DCDC1: variants seen among roughly 807,000 people sequenced by gnomAD.
The protein encoded by DCDC1 is doublecortin domain containing 1.
Under a neutral mutation model 178.3 loss-of-function variants are expected in DCDC1, and 200 were observed. The ratio of observed to expected loss-of-function variants is 1.12; its 90% CI spans 1.00 to 1.26. DCDC1 has a LOEUF of 1.26. Ranked by LOEUF, DCDC1 falls within the 50% of genes most tolerant of loss-of-function variation. The pLI is 0.00. For missense variants in DCDC1, 1,983 were observed against 1,749.2 expected (o/e 1.13, Z -2.38); for synonymous variants, 690 against 604.8 (o/e 1.14, Z -2.07).
intron 36 of DCDC1, among the ~76,000 whole-genome samples, chr11:30,883,778 A>C (rs1229267997): frequency 6.6e-6 from 1 of 152,100 alleles, no homozygotes; most frequent in Non-Finnish European, 1.5e-5. Context: ...AGTATACAAA[A>C]CCTCAGAAGA....
chr11:31,157,372 A>AAAAAAT (rs71060478), intron 9 of DCDC1, among the ~76,000 whole-genome samples: 4 of 96,866 alleles, frequency 4.1e-5, no homozygotes, highest in Non-Finnish European at 8.4e-5. Flanking sequence ...AAAAAAAAAA[A>AAAAAAT]ATATATATAT....
At chr11:31,010,168 C>T (rs1364840462) in intron 20 of DCDC1, among the ~76,000 whole-genome samples, 1 of 152,216 alleles carries the variant, frequency 6.6e-6, no homozygotes, top group African/African-American at 2.4e-5. Flanking sequence ...TATCTTGTGA[C>T]CCAGTCAAGG....
intron 9 of DCDC1, among the ~76,000 whole-genome samples, chr11:31,212,151 G>C (rs895831430): frequency 1.3e-5 from 2 of 148,646 alleles, no homozygotes; most frequent in African/African-American, 4.9e-5. Context: ...GTAAATAAAC[G>C]AATTAAATTT....
At chr11:31,114,304 A>C (rs760716446) in intron 11 of DCDC1, among the ~76,000 whole-genome samples, 6 of 152,206 alleles carry the variant, frequency 3.9e-5, no homozygotes, top group Non-Finnish European at 7.3e-5. Context: ...AATTATAGTT[A>C]AAATACATTA....
At chr11:31,279,077 T>C (rs1946213930) in intron 7 of DCDC1, among the ~76,000 whole-genome samples, 1 of 152,152 alleles carries the variant, frequency 6.6e-6, no homozygotes, top group African/African-American at 2.4e-5. Flanking sequence ...ATTTTGAAGT[T>C]TCCAGTCCAT....
At chr11:31,065,837 T>G (rs1956220542) in intron 18 of DCDC1, among the ~76,000 whole-genome samples, 1 of 152,190 alleles carries the variant, frequency 6.6e-6, no homozygotes. Context: ...AATCTGTCAC[T>G]GCTCATCAGG....
intron 38 of DCDC1, among the ~76,000 whole-genome samples, chr11:30,873,999 C>G (rs1941888176): frequency 6.6e-6 from 1 of 152,174 alleles, no homozygotes; most frequent in African/African-American, 2.4e-5. Context: ...ATATCTGACT[C>G]AAGAACATTT....
chr11:31,219,088 G>A (rs972766665), intron 9 of DCDC1, among the ~76,000 whole-genome samples: 4 of 151,562 alleles, frequency 2.6e-5, no homozygotes, highest in Admixed American at 6.6e-5. Context: ...TGGTGCTAAA[G>A]AAGCACACAC....
intron 3 of DCDC1, 80 bp from the exon 4 acceptor site, chr11:31,307,988 G>C: frequency 6.4e-7 from 1 of 1,554,326 alleles, no homozygotes. Context: ...ATAACGAGTT[G>C]TGTGCTATGT....
At chr11:31,343,138 G>C (rs944511972) in intron 1 of DCDC1, among the ~76,000 whole-genome samples, 1 of 152,084 alleles carries the variant, frequency 6.6e-6, no homozygotes, top group African/African-American at 2.4e-5. Context: ...CAGGCCGAGT[G>C]GTGCATGCCT....
intron 20 of DCDC1, among the ~76,000 whole-genome samples, chr11:31,052,163 T>C (rs1353686173): frequency 7.2e-5 from 11 of 152,176 alleles, no homozygotes; most frequent in African/African-American, 2.7e-4. Flanking sequence ...AAAAAGGCAT[T>C]TCATACAAAT....
rs1950238918 is a variant in DCDC1, at chr11:30,978,809, C to CACACACACAA, written c.2592-26242_2592-26241insTTGTGTGTGT. Among the ~76,000 whole-genome samples, 16 of 146,484 alleles carry CACACACACAA rather than the reference C, an allele frequency of 1.1e-4. No individual in the cohort carries two copies. The South Asian group carries it at 2.4e-3, about 22-fold the overall frequency. On this transcript the variant is annotated intron_variant, in intron 20 of 38. Coordinates refer to ENST00000684477, the MANE Select transcript of DCDC1 (RefSeq NM_001387274.1). The stretch of plus-strand genomic sequence containing the variant: ...ACACACACACACACACACACACACA[C>CACACACACAA]ACACACACACACACACACCCCCTTC...
At chr11:31,328,944 G>A (rs1949800176) in intron 2 of DCDC1, among the ~76,000 whole-genome samples, 1 of 102,034 alleles carries the variant, frequency 9.8e-6, no homozygotes, top group African/African-American at 3.6e-5. Context: ...ACACCACAAG[G>A]CTTTTTTTTT....
chr11:31,012,919 T>C (rs1952259811), intron 20 of DCDC1, among the ~76,000 whole-genome samples: 1 of 152,098 alleles, frequency 6.6e-6, no homozygotes, highest in African/African-American at 2.4e-5. Flanking sequence ...ATAGGTAAAC[T>C]CTGAAGAACG....
intron 20 of DCDC1, among the ~76,000 whole-genome samples, chr11:31,011,967 T>A (rs1208084561): frequency 3.3e-5 from 5 of 152,172 alleles, no homozygotes; most frequent in Non-Finnish European, 7.4e-5. Flanking sequence ...GATTGGATTA[T>A]GAGGATGGAT....
intron 8 of DCDC1, among the ~76,000 whole-genome samples, chr11:31,248,129 A>C (rs1445786400): frequency 1.3e-5 from 2 of 152,086 alleles, no homozygotes; most frequent in Non-Finnish European, 2.9e-5. Context: ...AGAACTCAAC[A>C]AATAAATCTA....
At chr11:31,115,468 T>A (rs1959745681) in intron 11 of DCDC1, among the ~76,000 whole-genome samples, 1 of 152,092 alleles carries the variant, frequency 6.6e-6, no homozygotes, top group Non-Finnish European at 1.5e-5. Context: ...TGCAATGCTG[T>A]CAAGAGGCAA....
chr11:31,324,539 GA>G (rs1315257185), intron 3 of DCDC1, among the ~76,000 whole-genome samples: 1 of 152,040 alleles, frequency 6.6e-6, no homozygotes, highest in South Asian at 2.1e-4. Flanking sequence ...AAAAAATCTG[GA>G]AAAAAATTAT....
At chr11:31,336,520 A>G (rs564196514) in intron 1 of DCDC1, among the ~76,000 whole-genome samples, 1 of 152,342 alleles carries the variant, frequency 6.6e-6, no homozygotes, top group South Asian at 2.1e-4. Context: ...GTTTAGCAAT[A>G]TGATTTTTTT....
Sources: gnomAD v4.1 joint callset for allele counts (sites outside exome capture counted in the v4.1 genomes callset) on GRCh38, gnomAD v4.1.1 for gene constraint, MANE v1.5 for transcripts, NCBI Gene and HGNC (gene_info 2026-07-23, HGNC 2026-07-21) for gene names.